SMN1: variants seen among roughly 807,000 people sequenced by gnomAD.
SMN1 encodes survival motor neuron protein.
For missense variants in SMN1, 15 were observed against 17.1 expected (o/e 0.88, Z 0.22); for synonymous variants, 3 against 5.1 (o/e 0.58, Z 0.56).
chr5:70,956,715 G>GA (rs1749914603), downstream of SMN1, among the ~76,000 whole-genome samples: 7 of 150,612 alleles, frequency 4.6e-5, no homozygotes, highest in South Asian at 1.5e-3. Flanking sequence ...TTTGGTCACT[G>GA]TAGCCTTGTA....
chr5:70,960,045 A>G, the SMN1 span, among the ~76,000 whole-genome samples: 1 of 147,066 alleles, frequency 6.8e-6, no homozygotes, highest in Admixed American at 6.9e-5. Flanking sequence ...AAAATAGCCA[A>G]TAATTTATCA....
chr5:70,959,186 C>T, the SMN1 span, among the ~76,000 whole-genome samples: 1 of 148,110 alleles, frequency 6.8e-6, no homozygotes, highest in South Asian at 2.2e-4. Context: ...TGTTCTCACT[C>T]ATAGGTGGGA....
chr5:70,951,588 CG>C (rs1286837376), intron 7 of SMN1, among the ~76,000 whole-genome samples: 3 of 147,702 alleles, frequency 2.0e-5, no homozygotes, highest in Non-Finnish European at 4.5e-5. Context: ...GCCACCACGC[CG>C]GCCTAATTTT....
At chr5:70,943,881 T>A (rs1415534907) in intron 5 of SMN1, among the ~76,000 whole-genome samples, 1 of 139,846 alleles carries the variant, frequency 7.2e-6, no homozygotes, top group African/African-American at 2.5e-5. Context: ...TTCCACCTCC[T>A]GGGTTCAAGT....
At chr5:70,951,807 C>T in intron 7 of SMN1, 134 bp from the exon 8 acceptor site, 2 of 626,326 alleles carry the variant, frequency 3.2e-6, no homozygotes, top group Non-Finnish European at 5.8e-6. Flanking sequence ...AATTTCTGAT[C>T]ATATTTTGTT....
chr5:70,958,634 T>G (rs1216709946), downstream of SMN1, among the ~76,000 whole-genome samples: 1 of 113,328 alleles, frequency 8.8e-6, no homozygotes, highest in East Asian at 2.6e-4. Context: ...TTGAGTGAGT[T>G]TCTTATTCCT....
chr5:70,959,198 T>C, the SMN1 span, among the ~76,000 whole-genome samples: 3 of 149,032 alleles, frequency 2.0e-5, no homozygotes, highest in African/African-American at 4.9e-5. Flanking sequence ...TAGGTGGGAA[T>C]TGAACAATGA....
rs1371960968 is a variant in SMN1, at chr5:70,945,597, G to A, written c.724-469G>A. Among the ~76,000 whole-genome samples the A allele has an allele frequency of 6.3e-5, 7 of 110,972 alleles. 2 individuals carry two copies. The highest frequency in any genetic ancestry group is 3.0e-4 in the African/African-American group (7 of 23,496). 72.8% of individuals were successfully genotyped at this position (110,972 alleles called of 152,430 possible). A position where few individuals can be genotyped will look rare whatever the true frequency, so the allele number is the denominator to read the frequency against. The stretch of plus-strand genomic sequence containing the variant: ...TGTGTGTGTGTGTGTGTGTGTGTGT[G>A]TGTATTAAGGAAAAGCATGAAAGTA... On this transcript the variant is annotated intron_variant, in intron 6 of 8. Coordinates refer to ENST00000380707, the MANE Select transcript of SMN1 (RefSeq NM_000344.4).
chr5:70,956,897 T>C (rs1749919498), downstream of SMN1, among the ~76,000 whole-genome samples: 1 of 126,944 alleles, frequency 7.9e-6, no homozygotes, highest in African/African-American at 2.8e-5. Context: ...ATCTGTAAAT[T>C]ACCTTGGGCA....
At chr5:70,955,054 A>C (rs367802698), downstream of SMN1, among the ~76,000 whole-genome samples, 170 of 138,072 alleles carry the variant, frequency 1.2e-3, no homozygotes, top group South Asian at 0.018. Flanking sequence ...CTCTACAAAA[A>C]ATGAAAGAAT....
chr5:70,959,240 ACT>A, the SMN1 span, among the ~76,000 whole-genome samples: 2 of 144,848 alleles, frequency 1.4e-5, no homozygotes, highest in Non-Finnish European at 3.0e-5. Flanking sequence ...GGAACATCAC[ACT>A]CTGGGGACTG....
chr5:70,944,024 G>T (rs1195457708), intron 5 of SMN1, among the ~76,000 whole-genome samples: 1 of 142,188 alleles, frequency 7.0e-6, no homozygotes, highest in Non-Finnish European at 1.6e-5. Context: ...CTGACCTCAA[G>T]TGATCTCCCC....
downstream of SMN1, among the ~76,000 whole-genome samples, chr5:70,957,602 T>C (rs1394307659): frequency 7.1e-6 from 1 of 141,416 alleles, no homozygotes; most frequent in Non-Finnish European, 1.6e-5. Context: ...TGGTTCTGTT[T>C]ATATGCTGGA....
intron 5 of SMN1, among the ~76,000 whole-genome samples, chr5:70,943,617 C>T (rs1749456023): frequency 1.5e-5 from 1 of 65,844 alleles, no homozygotes; most frequent in Non-Finnish European, 3.3e-5. Context: ...TTGTAGAGTT[C>T]AAATGTAAAT....
At chr5:70,950,310 G>A (rs1268433951) in intron 7 of SMN1, among the ~76,000 whole-genome samples, 26 of 142,960 alleles carry the variant, frequency 1.8e-4, no homozygotes, top group South Asian at 4.4e-4. Flanking sequence ...CCAGCTACTT[G>A]GGAGGCTGAG....
At chr5:70,955,403 G>A (rs1368656709), downstream of SMN1, among the ~76,000 whole-genome samples, 3 of 142,898 alleles carry the variant, frequency 2.1e-5, no homozygotes, top group Non-Finnish European at 4.6e-5. Flanking sequence ...ACCATGCCCA[G>A]CCCTTCTGTA....
At chr5:70,959,010 T>C in the SMN1 span, among the ~76,000 whole-genome samples, 48 of 150,704 alleles carry the variant, frequency 3.2e-4, 1 homozygote, top group Middle Eastern at 6.8e-3. Flanking sequence ...CGAACCCAAA[T>C]GTCCAACAAT....
intron 8 of SMN1, chr5:70,952,221 C>T: frequency 6.7e-7 from 1 of 1,494,366 alleles, no homozygotes; most frequent in South Asian, 1.4e-5. Flanking sequence ...GTGGAAGAAA[C>T]ATACTTTCAC....
At chr5:70,953,310 C>T (rs1208118338), downstream of SMN1, 1 of 96,350 alleles carries the variant, frequency 1.0e-5, no homozygotes, top group Non-Finnish European at 2.5e-5. Context: ...GCATGTGGCA[C>T]CATGCCCCAC....
Sources: allele counts gnomAD v4.1 joint callset (sites outside exome capture counted in the v4.1 genomes callset), GRCh38; gene constraint gnomAD v4.1.1; transcripts MANE v1.5; gene names NCBI Gene and HGNC (gene_info 2026-07-23, HGNC 2026-07-21).